The following MAPK10 variants were observed in gnomAD, a reference collection of about 807,000 sequenced individuals.
MAPK10 encodes JNK3 alpha protein kinase.
MAPK10 carries 25 observed loss-of-function variants against 59.3 expected under a neutral mutation model. The ratio of observed to expected loss-of-function variants is 0.42; its 90% CI spans 0.31 to 0.59. The LOEUF is 0.59. MAPK10 is among the 20% of genes least tolerant of loss of function. The pLI, the probability that MAPK10 is intolerant of heterozygous loss-of-function variation, is 0.15. For synonymous variants in MAPK10, 190 were observed against 200.5 expected (o/e 0.95, Z 0.44); for missense variants, 351 against 568.9 (o/e 0.62, Z 3.90).
chr4:86,384,682 GA>G (rs1741227023), intron 1 of MAPK10, among the ~76,000 whole-genome samples: 1 of 152,208 alleles, frequency 6.6e-6, no homozygotes, highest in African/African-American at 2.4e-5. Flanking sequence ...GCTGCACTCA[GA>G]ATATGCTTTC....
At chr4:86,054,092 G>T (rs1244708425) in intron 11 of MAPK10, among the ~76,000 whole-genome samples, 2 of 152,132 alleles carry the variant, frequency 1.3e-5, no homozygotes, top group African/African-American at 4.8e-5. Flanking sequence ...AACAAAACAT[G>T]TCTCTCCTAA....
intron 1 of MAPK10, among the ~76,000 whole-genome samples, chr4:86,489,703 G>A (rs1037552379): frequency 2.0e-5 from 3 of 152,006 alleles, no homozygotes; most frequent in Admixed American, 1.3e-4. Flanking sequence ...ATATCCCCTA[G>A]AGCTAGAGTC....
chr4:86,138,307 T>A, intron 4 of MAPK10, among the ~76,000 whole-genome samples: 1 of 22,826 alleles, frequency 4.4e-5, no homozygotes, highest in African/African-American at 1.2e-4. Context: ...GCAAACCGAA[T>A]CCAGCAGCAC....
At chr4:86,341,537 G>C (rs188345589) in intron 2 of MAPK10, among the ~76,000 whole-genome samples, 77 of 152,248 alleles carry the variant, frequency 5.1e-4, no homozygotes, top group Admixed American at 2.5e-3. Flanking sequence ...CTTGTCAATG[G>C]TTAGGACAAA....
chr4:86,215,689 C>G (rs978120180), intron 2 of MAPK10, among the ~76,000 whole-genome samples: 1 of 152,014 alleles, frequency 6.6e-6, no homozygotes, highest in African/African-American at 2.4e-5. Flanking sequence ...GGTGAAACCC[C>G]GTCTCTACTA....
chr4:86,304,665 T>C (rs2095535442), intron 2 of MAPK10, among the ~76,000 whole-genome samples: 1 of 152,144 alleles, frequency 6.6e-6, no homozygotes, highest in South Asian at 2.1e-4. Context: ...GTGCTGGGAT[T>C]ACAGGCGTGA....
At chr4:86,584,000 A>G (rs1762487718) in intron 1 of MAPK10, among the ~76,000 whole-genome samples, 1 of 152,168 alleles carries the variant, frequency 6.6e-6, no homozygotes, top group African/African-American at 2.4e-5. Flanking sequence ...TTTGGTTAAA[A>G]GACAGGTAAT....
At chr4:86,128,010 G>A (rs937324320) in intron 4 of MAPK10, among the ~76,000 whole-genome samples, 7 of 151,944 alleles carry the variant, frequency 4.6e-5, no homozygotes, top group Non-Finnish European at 8.8e-5. Context: ...ACTGGGATTA[G>A]ATTTCTTTCA....
At chr4:86,513,017 A>C (rs1756393418) in intron 1 of MAPK10, among the ~76,000 whole-genome samples, 1 of 152,078 alleles carries the variant, frequency 6.6e-6, no homozygotes, top group Non-Finnish European at 1.5e-5. Context: ...AACAATCAGA[A>C]CCTTCTGCTG....
At chr4:86,262,946 G>A (rs148515965) in intron 2 of MAPK10, among the ~76,000 whole-genome samples, 14 of 152,244 alleles carry the variant, frequency 9.2e-5, no homozygotes, top group Admixed American at 5.2e-4. Flanking sequence ...GCTTCCTGTC[G>A]TACCAACAAA....
At chr4:86,052,987 G>A (rs1001956538) in intron 11 of MAPK10, among the ~76,000 whole-genome samples, 8 of 151,610 alleles carry the variant, frequency 5.3e-5, no homozygotes, top group Non-Finnish European at 1.2e-4. Context: ...TGCCTGGAGG[G>A]TATTTTTTTT....
chr4:86,188,861 G>C (rs930498385), intron 3 of MAPK10, among the ~76,000 whole-genome samples: 2 of 151,914 alleles, frequency 1.3e-5, no homozygotes, highest in African/African-American at 4.8e-5. Flanking sequence ...TTCTTCCACG[G>C]TTTTTACGGT....
chr4:86,583,356 A>T (rs1184154488), intron 1 of MAPK10, among the ~76,000 whole-genome samples: 1 of 151,890 alleles, frequency 6.6e-6, no homozygotes, highest in Non-Finnish European at 1.5e-5. Flanking sequence ...TCTCATGCCT[A>T]CCTTTTCTAG....
At chr4:86,366,045 T>C (rs1378992745) in intron 1 of MAPK10, among the ~76,000 whole-genome samples, 1 of 152,170 alleles carries the variant, frequency 6.6e-6, no homozygotes, top group Non-Finnish European at 1.5e-5. Context: ...ACCTTATAAA[T>C]ACAAACTTTA....
At chr4:86,019,399 ATAAT>A (rs769925380) in intron 13 of MAPK10, among the ~76,000 whole-genome samples, 9 of 152,148 alleles carry the variant, frequency 5.9e-5, no homozygotes, top group Admixed American at 1.3e-4. Context: ...CTTTCTGTAA[ATAAT>A]TACTCTATCA....
intron 1 of MAPK10, among the ~76,000 whole-genome samples, chr4:86,365,834 TTA>T (rs1737788319): frequency 6.6e-6 from 1 of 152,014 alleles, no homozygotes; most frequent in Non-Finnish European, 1.5e-5. Flanking sequence ...ATTTTGAATC[TTA>T]TCAGTTCTAT....
intron 1 of MAPK10, among the ~76,000 whole-genome samples, chr4:86,451,394 C>T (rs1750703226): frequency 6.6e-6 from 1 of 152,120 alleles, no homozygotes; most frequent in South Asian, 2.1e-4. Flanking sequence ...ACCAAACTAC[C>T]TTGTTTTAGA....
At chr4:86,162,065 A>G (rs1469058935) in intron 3 of MAPK10, among the ~76,000 whole-genome samples, 1 of 151,998 alleles carries the variant, frequency 6.6e-6, no homozygotes, top group African/African-American at 2.4e-5. Flanking sequence ...TGCTGATGAT[A>G]TACATATTAT....
chr4:86,344,532 T>C (rs1453243451), intron 2 of MAPK10, among the ~76,000 whole-genome samples: 2 of 149,632 alleles, frequency 1.3e-5, no homozygotes, highest in African/African-American at 4.9e-5. Flanking sequence ...AGAAACAAAG[T>C]GAAATTTATC....
Sources: allele counts gnomAD v4.1 joint callset (sites outside exome capture counted in the v4.1 genomes callset), GRCh38; gene constraint gnomAD v4.1.1; transcripts MANE v1.5; gene names NCBI Gene and HGNC (gene_info 2026-07-23, HGNC 2026-07-21).